NAV2: variants seen among roughly 807,000 people sequenced by gnomAD.
The protein encoded by NAV2 is helicase, APC down-regulated 1.
A neutral mutation model predicts 223.2 loss-of-function variants in NAV2; 54 were observed. The ratio of observed to expected loss-of-function variants is 0.24; its 90% confidence interval spans 0.19 to 0.30. The LOEUF is 0.30. Among genes scored for constraint, NAV2 ranks in the 10% least tolerant of loss-of-function variants. NAV2 has a pLI of 1.00. For synonymous variants in NAV2, 1,279 were observed against 1,239.3 expected (o/e 1.03, Z -0.67); for missense variants, 2,806 against 3,147.5 (o/e 0.89, Z 2.60).
chr11:19,725,713 C>A (rs1041828967), intron 1 of NAV2, among the ~76,000 whole-genome samples: 3 of 152,122 alleles, frequency 2.0e-5, no homozygotes, highest in Non-Finnish European at 2.9e-5. Flanking sequence ...TAAAAATATG[C>A]CAGCTTTGTC....
intron 1 of NAV2, among the ~76,000 whole-genome samples, chr11:19,763,853 C>G (rs1722539433): frequency 6.6e-6 from 1 of 150,934 alleles, no homozygotes; most frequent in Admixed American, 6.6e-5. Flanking sequence ...TGTAACAAAA[C>G]CTATGGACCC....
At chr11:19,742,366 C>T (rs1214862704) in intron 1 of NAV2, among the ~76,000 whole-genome samples, 1 of 152,232 alleles carries the variant, frequency 6.6e-6, no homozygotes, top group African/African-American at 2.4e-5. Context: ...TTAAAGAAGA[C>T]AAGTGCAAGG....
intron 1 of NAV2, among the ~76,000 whole-genome samples, chr11:19,627,360 G>A (rs1481771587): frequency 2.0e-5 from 3 of 152,024 alleles, no homozygotes; most frequent in Non-Finnish European, 4.4e-5. Flanking sequence ...CTGCACTCCA[G>A]CCTGGACAAC....
At chr11:20,056,663 A>T in intron 19 of NAV2, 1 of 1,385,312 alleles carries the variant, frequency 7.2e-7, no homozygotes, top group Non-Finnish European at 1.0e-6. Context: ...GGAGGATATC[A>T]TCCCCACCCC....
At chr11:19,566,731 C>T (rs2045281080) in intron 1 of NAV2, among the ~76,000 whole-genome samples, 2 of 152,132 alleles carry the variant, frequency 1.3e-5, no homozygotes, top group Admixed American at 1.3e-4. Flanking sequence ...ATCCTGGGCA[C>T]ACTCCATCCT....
chr11:20,072,452 T>TC (rs1320309109), intron 22 of NAV2, among the ~76,000 whole-genome samples: 1 of 151,936 alleles, frequency 6.6e-6, no homozygotes, highest in Non-Finnish European at 1.5e-5. Context: ...TTAAAGTAGT[T>TC]TTTTTACAAT....
At chr11:19,723,087 C>A (rs942286156) in intron 1 of NAV2, among the ~76,000 whole-genome samples, 2 of 152,180 alleles carry the variant, frequency 1.3e-5, no homozygotes, top group African/African-American at 4.8e-5. Context: ...TTCCTGCCCC[C>A]CACCCCCAAC....
intron 1 of NAV2, among the ~76,000 whole-genome samples, chr11:19,492,884 A>G (rs1341337117): frequency 6.6e-6 from 1 of 152,194 alleles, no homozygotes; most frequent in African/African-American, 2.4e-5. Context: ...GTGACACGGT[A>G]CATCCTAAGT....
chr11:19,900,033 T>C (rs1194945759), intron 6 of NAV2, among the ~76,000 whole-genome samples: 1 of 152,166 alleles, frequency 6.6e-6, no homozygotes, highest in African/African-American at 2.4e-5. Flanking sequence ...GTGATAGCCA[T>C]CTTTTTTTGG....
intron 11 of NAV2, among the ~76,000 whole-genome samples, chr11:20,030,980 A>T (rs1030043435): frequency 7.2e-5 from 11 of 152,194 alleles, no homozygotes; most frequent in Non-Finnish European, 1.2e-4. Context: ...ATTCTTTTTC[A>T]TCTTTTTAAA....
At chr11:19,375,719 A>T (rs1457834793) in intron 1 of NAV2, among the ~76,000 whole-genome samples, 1 of 152,178 alleles carries the variant, frequency 6.6e-6, no homozygotes, top group Non-Finnish European at 1.5e-5. Context: ...GTCCCGTCAC[A>T]CTACCTAATA....
intron 1 of NAV2, among the ~76,000 whole-genome samples, chr11:19,730,254 G>A (rs1590208708): frequency 6.6e-6 from 1 of 152,288 alleles, no homozygotes; most frequent in East Asian, 1.9e-4. Context: ...CCTGTGACTT[G>A]TGGGGCATTT....
At chr11:19,479,078 C>T (rs916080614) in intron 1 of NAV2, among the ~76,000 whole-genome samples, 5 of 152,058 alleles carry the variant, frequency 3.3e-5, no homozygotes, top group Non-Finnish European at 5.9e-5. Context: ...TCTGGAGGGT[C>T]GCTGTGAGTT....
chr11:19,585,034 A>C (rs1164411084), intron 1 of NAV2, among the ~76,000 whole-genome samples: 1 of 152,148 alleles, frequency 6.6e-6, no homozygotes, highest in African/African-American at 2.4e-5. Context: ...GTAGGTCTCT[A>C]AGGACTTGCT....
chr11:19,639,393 C>G (rs2047596470), intron 1 of NAV2, among the ~76,000 whole-genome samples: 1 of 152,182 alleles, frequency 6.6e-6, no homozygotes, highest in Non-Finnish European at 1.5e-5. Context: ...CCCTGGAGCC[C>G]CCTCCACCAC....
intron 1 of NAV2, among the ~76,000 whole-genome samples, chr11:19,703,566 G>C (rs1003636209): frequency 6.6e-6 from 1 of 152,232 alleles, no homozygotes; most frequent in Non-Finnish European, 1.5e-5. Context: ...GCGGCATTGG[G>C]GGGATTACCT....
intron 1 of NAV2, among the ~76,000 whole-genome samples, chr11:19,367,173 G>A (rs562536708): frequency 1.9e-4 from 29 of 152,224 alleles, no homozygotes; most frequent in African/African-American, 6.0e-4. Flanking sequence ...TTTGATTCAC[G>A]GTTCCCTCTG....
chr11:19,710,537 C>T (rs1298905155), upstream of NAV2, among the ~76,000 whole-genome samples: 4 of 152,158 alleles, frequency 2.6e-5, no homozygotes, highest in Non-Finnish European at 5.9e-5. Context: ...ATTGCTGGGC[C>T]CCATCCCCAG....
At chr11:19,579,354 C>G (rs1318287313) in intron 1 of NAV2, among the ~76,000 whole-genome samples, 1 of 152,200 alleles carries the variant, frequency 6.6e-6, no homozygotes, top group Non-Finnish European at 1.5e-5. Context: ...GCCTGGTTCC[C>G]TTCATTGGTT....
Sources: gnomAD v4.1 joint callset for allele counts (sites outside exome capture counted in the v4.1 genomes callset) on GRCh38, gnomAD v4.1.1 for gene constraint, MANE v1.5 for transcripts, NCBI Gene and HGNC (gene_info 2026-07-23, HGNC 2026-07-21) for gene names.